The following MTMR3 variants were observed in gnomAD, a reference collection of about 807,000 sequenced individuals.
MTMR3 encodes myotubularin related protein 3.
Under a neutral mutation model 132.4 loss-of-function variants are expected in MTMR3, and 32 were observed. The observed-to-expected ratio is 0.24, with a 90% CI of 0.18 to 0.32. The LOEUF is 0.32. Ranked by LOEUF, MTMR3 falls within the 10% of genes least tolerant of loss-of-function variation. MTMR3 has a pLI of 1.00. For missense variants in MTMR3, 1,216 were observed against 1,489.6 expected (o/e 0.82, Z 3.02); for synonymous variants, 556 against 550.3 (o/e 1.01, Z -0.14).
intron 1 of MTMR3, among the ~76,000 whole-genome samples, chr22:29,888,060 C>G (rs532135995): frequency 1.3e-5 from 2 of 152,080 alleles, no homozygotes; most frequent in African/African-American, 4.8e-5. Flanking sequence ...TCTGTTTGCC[C>G]AGGCTAGAGT....
intron 1 of MTMR3, among the ~76,000 whole-genome samples, chr22:29,954,059 CTTTTTTTT>C (rs59781649): frequency 7.7e-4 from 61 of 79,444 alleles, no homozygotes; most frequent in East Asian, 1.7e-3. Flanking sequence ...TCAAATGAGT[CTTTTTTTT>C]TTTTTTTTTT....
At chr22:29,972,361 T>C (rs765892587) in intron 3 of MTMR3, among the ~76,000 whole-genome samples, 6 of 152,162 alleles carry the variant, frequency 3.9e-5, no homozygotes, top group Admixed American at 6.5e-5. Context: ...TGCTGGGTTC[T>C]CCATGGTGCC....
intron 1 of MTMR3, among the ~76,000 whole-genome samples, chr22:29,897,355 G>A (rs1209904974): frequency 6.6e-6 from 1 of 152,120 alleles, no homozygotes; most frequent in Non-Finnish European, 1.5e-5. Flanking sequence ...GATTACAGGC[G>A]TAAGCCACCA....
At chr22:29,970,951 T>TTC in intron 2 of MTMR3, 25 bp from the exon 3 acceptor site, 10 of 680,376 alleles carry the variant, frequency 1.5e-5, no homozygotes, top group Admixed American at 3.2e-5. Context: ...TTTTTCTTCT[T>TTC]CCCCCTCTTC....
rs778112988 is a variant in MTMR3 at position 30,019,934 on chromosome 22, C to G, written c.2275C>G (p.Pro759Ala). 1.2e-6 allele frequency: 2 copies of G among 1,614,206 alleles called. No individual in the cohort carries two copies. The highest frequency in any genetic ancestry group is 1.7e-6 in the Non-Finnish European group (2 of 1,180,038). Residue 759 changes from proline to alanine, a missense_variant, in exon 17 of 20, where the codon CCT becomes GCT. Around this residue, in one of 7 missense-constraint regions of MTMR3, gnomAD observed 852 missense variants for 852.0 expected, o/e 1.00. Coordinates refer to ENST00000401950, the MANE Select transcript of MTMR3 (RefSeq NM_021090.4). Reference sequence around the variant, plus strand: ...GAGGAGCCATCTGGATATGAGCTGGCCTCTGTTCTCACAGGGCATTTCTGA... The same window carrying G: ...GAGGAGCCATCTGGATATGAGCTGGGCTCTGTTCTCACAGGGCATTTCTGA... ...ALRSHLDMSW[P>A]LFSQGISEQQ...
chr22:29,986,456 T>C (rs1160295611), intron 5 of MTMR3: 5 of 558,076 alleles, frequency 9.0e-6, no homozygotes, highest in African/African-American at 8.2e-5. Flanking sequence ...TTAATCTCAA[T>C]ATTTCTTCTT....
At chr22:29,924,311 A>G (rs2065474600) in intron 1 of MTMR3, among the ~76,000 whole-genome samples, 1 of 152,210 alleles carries the variant, frequency 6.6e-6, no homozygotes, top group South Asian at 2.1e-4. Context: ...CCACTCATTG[A>G]AAAGACTGTC....
At chr22:29,884,009 T>G (rs2064611225) in intron 1 of MTMR3, among the ~76,000 whole-genome samples, 4 of 152,208 alleles carry the variant, frequency 2.6e-5, no homozygotes, top group Admixed American at 2.6e-4. Context: ...TTTTGCTTGA[T>G]GTATGGCATT....
chr22:30,019,856 G>A lies in MTMR3; in HGVS notation c.2197G>A (p.Glu733Lys). ...AAAGGAGAGCAGGAGGAAGACACCT[G>A]AGGCCTCAGCCATTGGACTTCACCA... ...LEKESRRKTP[E>K]ASAIGLHQDP... Residue 733 changes from glutamate (E) to lysine (K), a missense_variant, in exon 17 of 20, where the codon GAG (glutamate) becomes AAG (lysine). Transcript: ENST00000401950. 6.2e-7 allele frequency: 1 copy of A among 1,614,194 alleles called. No individual in the cohort carries two copies.
intron 1 of MTMR3, among the ~76,000 whole-genome samples, chr22:29,923,616 C>G (rs978967005): frequency 1.3e-5 from 2 of 152,162 alleles, no homozygotes; most frequent in African/African-American, 4.8e-5. Context: ...CAAAATATCA[C>G]ACTCTGGGTG....
chr22:29,890,095 A>G (rs1269490936), intron 1 of MTMR3, among the ~76,000 whole-genome samples: 1 of 151,446 alleles, frequency 6.6e-6, no homozygotes. Context: ...TTTAGTAGAG[A>G]CAGGGTTTCA....
intron 1 of MTMR3, among the ~76,000 whole-genome samples, chr22:29,928,060 C>T (rs967761823): frequency 5.3e-5 from 8 of 151,220 alleles, no homozygotes; most frequent in African/African-American, 1.9e-4. Context: ...CCTGCCTCAG[C>T]CACCCAAGTA....
At chr22:29,889,506 C>T (rs5763575) in intron 1 of MTMR3, among the ~76,000 whole-genome samples, 8,989 of 151,586 alleles carry the variant, frequency 0.059, 502 homozygotes, top group South Asian at 0.24. Context: ...AGGCTGGTTT[C>T]GAACTCCTGA....
At chr22:30,011,696 A>G (rs1194930594) in intron 12 of MTMR3, 1 of 152,290 alleles carries the variant, frequency 6.6e-6, no homozygotes, top group Non-Finnish European at 1.5e-5. Context: ...TTCTTCCTAG[A>G]TCGCTGCTGA....
At chr22:29,973,526 G>A (rs1034973866) in intron 3 of MTMR3, among the ~76,000 whole-genome samples, 4 of 152,090 alleles carry the variant, frequency 2.6e-5, no homozygotes, top group South Asian at 4.1e-4. Flanking sequence ...TCACTTCTAC[G>A]CTTTGCAAAC....
intron 1 of MTMR3, among the ~76,000 whole-genome samples, chr22:29,890,403 G>C (rs2064772984): frequency 6.6e-6 from 1 of 151,988 alleles, no homozygotes; most frequent in Non-Finnish European, 1.5e-5. Context: ...TGTAATTCCA[G>C]CTACTTGGAA....
chr22:29,896,645 A>G (rs2064902019), intron 1 of MTMR3, among the ~76,000 whole-genome samples: 1 of 152,104 alleles, frequency 6.6e-6, no homozygotes, highest in Admixed American at 6.6e-5. Flanking sequence ...TTTGTCTAAC[A>G]TAATTTCCAT....
chr22:29,887,412 A>AT (rs1225901065), intron 1 of MTMR3, among the ~76,000 whole-genome samples: 1 of 152,234 alleles, frequency 6.6e-6, no homozygotes, highest in African/African-American at 2.4e-5. Flanking sequence ...TTAGAATCGT[A>AT]TTGTATTAGA....
chr22:29,897,514 G>A (rs9625878), intron 1 of MTMR3, among the ~76,000 whole-genome samples: 32,936 of 151,912 alleles, frequency 0.22, 3,999 homozygotes, highest in Middle Eastern at 0.38. Context: ...GTGCAGTGGC[G>A]CAATCTCTGC....
Sources: allele counts gnomAD v4.1 joint callset (sites outside exome capture counted in the v4.1 genomes callset), GRCh38; gene constraint gnomAD v4.1.1; regional missense constraint gnomAD v4.1.1; transcripts MANE v1.5; gene names NCBI Gene and HGNC (gene_info 2026-07-23, HGNC 2026-07-21).